Variants in MYO5A observed in about 807,000 individuals in gnomAD.
MYO5A encodes the protein myosin VA.
Under a neutral mutation model 249.7 loss-of-function variants are expected in MYO5A, and 98 were observed. The ratio of observed to expected loss-of-function variants is 0.39; its 90% confidence interval spans 0.33 to 0.46. The LOEUF (loss-of-function observed/expected upper bound fraction) is 0.46, where lower values mean the gene tolerates loss of function less well. Ranked by LOEUF, MYO5A falls within the 20% of genes least tolerant of loss-of-function variation. The probability of loss-of-function intolerance (pLI) is 0.98; values close to 1 mark genes in which losing one functional copy is unlikely to be tolerated. For synonymous variants in MYO5A, 778 were observed against 810.6 expected (o/e 0.96, Z 0.68); for missense variants, 1,696 against 2,308.8 (o/e 0.73, Z 5.44).
intron 2 of MYO5A, among the ~76,000 whole-genome samples, chr15:52,430,631 CT>C (rs1237311240): frequency 7.9e-5 from 12 of 152,148 alleles, no homozygotes; most frequent in Non-Finnish European, 1.5e-5. Context: ...TGTTTGACCC[CT>C]GTCCCTAGTC....
chr15:52,420,349 C>T (rs1296883348), intron 4 of MYO5A, among the ~76,000 whole-genome samples: 3 of 151,678 alleles, frequency 2.0e-5, no homozygotes, highest in East Asian at 1.9e-4. Context: ...GGGCTCTGCC[C>T]TCATGGATGG....
chr15:52,419,086 T>A (rs1228315927), intron 4 of MYO5A, among the ~76,000 whole-genome samples: 1 of 152,204 alleles, frequency 6.6e-6, no homozygotes, highest in Non-Finnish European at 1.5e-5. Flanking sequence ...GAGTAATGTA[T>A]AACACGATTT....
At chr15:52,522,685 A>G (rs960409148) in intron 1 of MYO5A, among the ~76,000 whole-genome samples, 16 of 152,156 alleles carry the variant, frequency 1.1e-4, no homozygotes, top group Non-Finnish European at 1.6e-4. Flanking sequence ...CAGAGAAACT[A>G]AATTACCTTC....
rs770980979 is a variant in MYO5A at position 52,313,655 on chromosome 15, G to A, written c.*41C>T. ...ACTGGAAATAATGGGTTCTTATTTC[G>A]GGCAAGAAATGTATTGTCAATTTTT... On this transcript the variant is annotated 3_prime_UTR_variant, in exon 42 of 42. Coordinates refer to ENST00000399233, the MANE Select transcript of MYO5A (RefSeq NM_001382347.1). 10 of 1,609,042 alleles carry A rather than the reference G, an allele frequency of 6.2e-6. No individual in the cohort carries two copies. The highest frequency in any genetic ancestry group is 2.7e-5 in the African/African-American group (2 of 74,660).
At position 52,526,269 on chromosome 15, in the gene MYO5A, T is replaced by G. The variant is rs567034719; in HGVS notation, c.27+2511A>C. ...GTCATGGCTCACTGCAGCCTCAACC[T>G]CCCAGGCTCAAGCAATCTTCCTGCC... On this transcript the variant is annotated intron_variant, in intron 1 of 41. Coordinates refer to ENST00000399233, the MANE Select transcript of MYO5A (RefSeq NM_001382347.1). 6.6e-5 allele frequency among the ~76,000 whole-genome samples: 10 copies of G among 152,276 alleles called. No individual in the cohort carries two copies. In the East Asian group the frequency reaches 1.7e-3, roughly 26 times the overall value.
intron 25 of MYO5A, among the ~76,000 whole-genome samples, chr15:52,358,786 GT>G (rs778388776): frequency 3.4e-5 from 5 of 147,358 alleles, no homozygotes; most frequent in African/African-American, 1.4e-4. Flanking sequence ...ATAAATTACT[GT>G]TTTTTAAAAA....
chr15:52,508,220 T>C (rs537771109), intron 1 of MYO5A, among the ~76,000 whole-genome samples: 218 of 152,332 alleles, frequency 1.4e-3, no homozygotes, highest in African/African-American at 5.1e-3. Context: ...TCTTTCTCTA[T>C]TTTCTTTTCA....
At position 52,328,659 on chromosome 15, in the gene MYO5A, G is replaced by A. The variant is rs554733823; in HGVS notation, c.4556-653C>T. Among the ~76,000 whole-genome samples the A allele has an allele frequency of 3.9e-5, 6 of 152,198 alleles. No homozygotes were observed. In the South Asian group the frequency reaches 6.2e-4, roughly 16 times the overall value. ...ATACAACAATCAGGGCCATTCTTTC[G>A]GAAAATGTTGGTCAGATCATGTCAC... On this transcript the variant is annotated intron_variant, in intron 35 of 41. Transcript: ENST00000399233.
At chr15:52,489,675 T>G (rs1244215316) in intron 1 of MYO5A, among the ~76,000 whole-genome samples, 3 of 151,866 alleles carry the variant, frequency 2.0e-5, no homozygotes, top group Non-Finnish European at 4.4e-5. Flanking sequence ...GATAAAAGAT[T>G]CATACCCAGA....
At chr15:52,358,482 A>G (rs1445731993) in intron 25 of MYO5A, among the ~76,000 whole-genome samples, 1 of 152,204 alleles carries the variant, frequency 6.6e-6, no homozygotes, top group Non-Finnish European at 1.5e-5. Flanking sequence ...CCTCCCAACA[A>G]GAGATGGAAT....
intron 13 of MYO5A, 62 bp from the exon 14 acceptor site, chr15:52,387,974 CAAT>C (rs2042040239): frequency 8.5e-7 from 1 of 1,171,182 alleles, no homozygotes; most frequent in South Asian, 1.2e-5. Context: ...TTATAATCAT[CAAT>C]AATAAGAATC....
chr15:52,415,274 A>G (rs994745752), intron 5 of MYO5A, among the ~76,000 whole-genome samples: 2 of 152,256 alleles, frequency 1.3e-5, no homozygotes, highest in Non-Finnish European at 2.9e-5. Flanking sequence ...TTGCTTCTGC[A>G]TGTCCAAATT....
intron 4 of MYO5A, among the ~76,000 whole-genome samples, chr15:52,424,244 C>A (rs537132924): frequency 7.1e-4 from 108 of 152,318 alleles, no homozygotes; most frequent in Non-Finnish European, 1.3e-3. Context: ...CAGAAGCTGG[C>A]ATAATATGAC....
chr15:52,319,120 G>C lies in MYO5A; in HGVS notation c.5174C>G (p.Thr1725Ser), dbSNP rs1236499563. 1.2e-6 allele frequency: 2 copies of C among 1,614,104 alleles called. No homozygotes were observed. Among genetic ancestry groups the C allele is most frequent in the Admixed American group, 3.3e-5 (2 of 60,010 alleles). The change falls in exon 39 of 42, where the codon ACC (threonine) becomes AGC (serine). Residue 1725 changes from threonine to serine, a missense_variant. Physicochemically the swap from Thr to Ser is moderately conservative, Grantham distance 58 (BLOSUM62 1). Coordinates refer to ENST00000399233, the MANE Select transcript of MYO5A (RefSeq NM_001382347.1). ...KQMFYIIGAITLNNLLLRKDM... is the reference protein window; with the variant it reads ...KQMFYIIGAISLNNLLLRKDM... ...CTTCCGCAGGAGAAGGTTGTTCAGG[G>C]TGATGGCCCCTATGATGTAGAACAT...
At position 52,389,341 on chromosome 15, in the gene MYO5A, G is replaced by T. The variant is rs1437845969; in HGVS notation, c.1565C>A (p.Thr522Asn). Residue 522 changes from threonine to asparagine, a missense_variant, in exon 13 of 42, where the codon ACC becomes AAC. Physicochemically the swap from Thr to Asn is moderately conservative, Grantham distance 65. This residue lies in a region of MYO5A where 277 missense variants were observed against 422.4 expected (regional missense o/e 0.66). Coordinates refer to ENST00000399233, the MANE Select transcript of MYO5A (RefSeq NM_001382347.1). ...ECKMPKGTDD[T>N]WAQKLYNTHL... ...TGTGTTGTACAATTTTTGGGCCCAG[G>T]TGTCATCTGTGCCTTTAGGCATCTA... is the stretch of plus-strand genomic sequence containing the variant. The T allele has an allele frequency of 1.2e-6, 2 of 1,612,646 alleles. No individual in the cohort carries two copies. Among genetic ancestry groups the T allele is most frequent in the Non-Finnish European group, 1.7e-6 (2 of 1,178,794 alleles).
chr15:52,444,595 GGAA>G (rs35574224), intron 1 of MYO5A, among the ~76,000 whole-genome samples: 6,720 of 152,214 alleles, frequency 0.044, 210 homozygotes, highest in South Asian at 0.14. Context: ...GGTTGTATAA[GGAA>G]GAATAAGAAA....
intron 12 of MYO5A, among the ~76,000 whole-genome samples, 169 bp downstream of exon 12, chr15:52,391,761 A>C (rs144478899): frequency 5.3e-5 from 8 of 152,300 alleles, no homozygotes; most frequent in Admixed American, 5.2e-4. Flanking sequence ...TTTCACTTGT[A>C]ATTAGAACCC....
At chr15:52,513,458 C>T (rs1342760088) in intron 1 of MYO5A, among the ~76,000 whole-genome samples, 2 of 143,448 alleles carry the variant, frequency 1.4e-5, no homozygotes, top group African/African-American at 5.1e-5. Flanking sequence ...TAGTTTTGCT[C>T]TTGTTGCCCA....
chr15:52,368,042 T>C (rs542384590), intron 22 of MYO5A, among the ~76,000 whole-genome samples: 10 of 152,322 alleles, frequency 6.6e-5, no homozygotes, highest in Non-Finnish European at 1.3e-4. Flanking sequence ...TGTGTGCTTA[T>C]GATGAGTAAA....
Sources: allele counts gnomAD v4.1 joint callset (sites outside exome capture counted in the v4.1 genomes callset), GRCh38; gene constraint gnomAD v4.1.1; regional missense constraint gnomAD v4.1.1; transcripts MANE v1.5; gene names NCBI Gene and HGNC (gene_info 2026-07-23, HGNC 2026-07-21).